DOCK11: variants seen among roughly 807,000 people sequenced by gnomAD.
DOCK11 encodes dedicator of cytokinesis 11.
In DOCK11, 70 loss-of-function variants were observed where a neutral mutation model predicts 169.1. The observed-to-expected ratio is 0.41, with a 90% CI of 0.34 to 0.51. DOCK11 has a LOEUF of 0.51. Among genes scored for constraint, DOCK11 ranks in the 20% least tolerant of loss-of-function variants. The pLI is 0.10. For synonymous variants in DOCK11, 529 were observed against 541.3 expected (o/e 0.98, Z 0.32); for missense variants, 1,166 against 1,538.8 (o/e 0.76, Z 4.05).
In DOCK11 at chrX:118,566,194, A is replaced by G. The variant is rs528800340; in HGVS notation, c.871+12A>G. 3.9e-4 allele frequency: 459 copies of G among 1,181,424 alleles called. No individual in the cohort carries two copies. The South Asian group carries it at 8.0e-3, about 21-fold the overall frequency. The stretch of plus-strand genomic sequence containing the variant: ...AGAAACAGCACAAGGTCAGAATTTT[A>G]AAGTGATTTATTATTGAAGTAAAGC... On this transcript the variant is annotated intron_variant, in intron 8 of 52. Coordinates refer to ENST00000276202, the MANE Select transcript of DOCK11 (RefSeq NM_144658.4).
chrX:118,579,516 A>T (rs376617965), intron 13 of DOCK11, among the ~76,000 whole-genome samples: 2 of 112,182 alleles, frequency 1.8e-5, no homozygotes, highest in East Asian at 5.6e-4. Context: ...TTGTGGAGGA[A>T]AAATGTCTCA....
intron 23 of DOCK11, among the ~76,000 whole-genome samples, chrX:118,601,083 A>G (rs1442960834): frequency 9.0e-6 from 1 of 111,434 alleles, no homozygotes; most frequent in Non-Finnish European, 1.9e-5. Flanking sequence ...GAAGGGAGAC[A>G]GTCAATAAGT....
intron 35 of DOCK11, chrX:118,634,249 T>A (rs1399966754): frequency 1.8e-5 from 2 of 112,007 alleles, no homozygotes; most frequent in African/African-American, 6.5e-5. Flanking sequence ...GCCGTGATGA[T>A]TCTCTTCCTG....
intron 23 of DOCK11, among the ~76,000 whole-genome samples, chrX:118,599,935 A>G (rs1239387515): frequency 3.6e-5 from 4 of 112,419 alleles, no homozygotes; most frequent in Non-Finnish European, 7.5e-5. Context: ...TCAGAGAGGT[A>G]GTATGAGATG....
chrX:118,559,154 C>T (rs759854879), intron 6 of DOCK11, among the ~76,000 whole-genome samples: 9 of 112,017 alleles, frequency 8.0e-5, no homozygotes, highest in Non-Finnish European at 1.5e-4. Context: ...TGTAATGATG[C>T]ACTTTGCTAA....
At chrX:118,577,975 T>G (rs2013503936) in intron 12 of DOCK11, among the ~76,000 whole-genome samples, 1 of 111,958 alleles carries the variant, frequency 8.9e-6, no homozygotes, top group African/African-American at 3.2e-5. Context: ...TAATTTTGGT[T>G]GCATCTACAT....
At chrX:118,570,824 GAATAT>G (rs927737012) in intron 10 of DOCK11, among the ~76,000 whole-genome samples, 3 of 111,904 alleles carry the variant, frequency 2.7e-5, no homozygotes, top group Non-Finnish European at 5.6e-5. Context: ...TTTGTGAATA[GAATAT>G]AAGTCTGTTC....
chrX:118,550,957 A>G (rs2012473360), intron 6 of DOCK11, among the ~76,000 whole-genome samples: 1 of 111,509 alleles, frequency 9.0e-6, no homozygotes, highest in African/African-American at 3.3e-5. Flanking sequence ...CAGGTGTGCT[A>G]TTATCTGAGT....
chrX:118,516,992 G>A (rs1248720088), intron 1 of DOCK11, among the ~76,000 whole-genome samples: 2 of 111,556 alleles, frequency 1.8e-5, no homozygotes, highest in African/African-American at 6.5e-5. Context: ...CTGAATAAAC[G>A]TAGCTATTAG....
Position 118,597,487 on chromosome X carries a change from C to T in DOCK11, c.2320C>T (p.Gln774Ter). The T allele has an allele frequency of 8.3e-7, 1 of 1,211,438 alleles. No individual in the cohort carries two copies. The highest frequency in any genetic ancestry group is 1.1e-6 in the Non-Finnish European group (1 of 895,160). The change falls in exon 21 of 53, where the codon CAG (glutamine) becomes TAG (stop). Residue 774 changes from glutamine (Q) to a stop codon, truncating the protein, a stop_gained. Transcript: ENST00000276202. LOFTEE classifies it high-confidence loss of function. ...KDGRIITFEQ[Q>*]LPVSANLPPG... is the part of the protein sequence containing the mutation. ...TGGTAGAATCATCACATTTGAGCAGCAGCTGCCAGTTTCCGCCAATCTTCC... is the reference window on the plus strand; with the variant it reads ...TGGTAGAATCATCACATTTGAGCAGTAGCTGCCAGTTTCCGCCAATCTTCC...
intron 16 of DOCK11, among the ~76,000 whole-genome samples, chrX:118,586,256 A>G (rs2013810904): frequency 8.9e-6 from 1 of 111,739 alleles, no homozygotes; most frequent in African/African-American, 3.3e-5. Flanking sequence ...TCACACGGCT[A>G]TAAAGATACT....
At chrX:118,642,728 G>T (rs1232051615) in intron 39 of DOCK11, among the ~76,000 whole-genome samples, 1 of 111,367 alleles carries the variant, frequency 9.0e-6, no homozygotes, top group Non-Finnish European at 1.9e-5. Flanking sequence ...AGGGATTCTG[G>T]CTGTCAGTAT....
At chrX:118,665,489 T>C (rs1244803786) in intron 45 of DOCK11, among the ~76,000 whole-genome samples, 1 of 112,209 alleles carries the variant, frequency 8.9e-6, no homozygotes, top group Admixed American at 9.4e-5. Context: ...GCAGCTTCAG[T>C]GTATTCATAG....
intron 19 of DOCK11, among the ~76,000 whole-genome samples, chrX:118,592,074 A>G (rs958310120): frequency 9.3e-6 from 1 of 107,299 alleles, no homozygotes; most frequent in Non-Finnish European, 1.9e-5. Flanking sequence ...GCTATTGTGA[A>G]TAGTGCCGCA....
At chrX:118,660,616 C>T (rs151276378) in intron 44 of DOCK11, among the ~76,000 whole-genome samples, 1 of 109,364 alleles carries the variant, frequency 9.1e-6, no homozygotes, top group Non-Finnish European at 1.9e-5. Context: ...AGGCACCCGC[C>T]ACCACGCCCA....
intron 20 of DOCK11, among the ~76,000 whole-genome samples, chrX:118,595,937 G>A (rs909504136): frequency 3.6e-5 from 4 of 110,807 alleles, no homozygotes; most frequent in African/African-American, 1.3e-4. Flanking sequence ...GACTTCTAAG[G>A]GCTATGGGAT....
intron 52 of DOCK11, 118 bp from the exon 53 acceptor site, chrX:118,685,570 T>G: frequency 4.3e-6 from 4 of 930,876 alleles, no homozygotes; most frequent in Non-Finnish European, 5.9e-6. Flanking sequence ...CTGCTTTCTG[T>G]CTTTTTAAAT....
intron 44 of DOCK11, among the ~76,000 whole-genome samples, 181 bp downstream of exon 44, chrX:118,655,142 T>C (rs2016036068): frequency 9.0e-6 from 1 of 111,501 alleles, no homozygotes; most frequent in South Asian, 3.7e-4. Context: ...TTGTCCCTTC[T>C]GCTTTCATTA....
At chrX:118,509,275 CT>C (rs11320225) in intron 1 of DOCK11, among the ~76,000 whole-genome samples, 13,294 of 104,618 alleles carry the variant, frequency 0.13, 657 homozygotes, top group Middle Eastern at 0.2. Context: ...GAGTTTCTCT[CT>C]TTTTTTTTTT....
Sources: allele counts gnomAD v4.1 joint callset (sites outside exome capture counted in the v4.1 genomes callset), GRCh38; gene constraint gnomAD v4.1.1; transcripts MANE v1.5; gene names NCBI Gene and HGNC (gene_info 2026-07-23, HGNC 2026-07-21).